Variants in EVL observed in about 807,000 individuals in gnomAD.
EVL encodes ena/VASP-like protein.
A neutral mutation model predicts 59.6 loss-of-function variants in EVL; 21 were observed. The ratio of observed to expected loss-of-function variants is 0.35; its 90% CI spans 0.25 to 0.51. The LOEUF (loss-of-function observed/expected upper bound fraction) is 0.51, where lower values mean the gene tolerates loss of function less well. Ranked by LOEUF, EVL falls within the 20% of genes least tolerant of loss-of-function variation. The probability of loss-of-function intolerance (pLI) is 0.97; values close to 1 mark genes in which losing one functional copy is unlikely to be tolerated. For synonymous variants in EVL, 198 were observed against 203.5 expected (o/e 0.97, Z 0.23); for missense variants, 462 against 546.6 (o/e 0.85, Z 1.54).
chr14:100,048,136 A>C (rs1408011310), intron 1 of EVL, among the ~76,000 whole-genome samples: 1 of 152,226 alleles, frequency 6.6e-6, no homozygotes, highest in Non-Finnish European at 1.5e-5. Context: ...CATCAAATTA[A>C]ATTTCATCAA....
chr14:100,126,457 C>T (rs1017319256), intron 4 of EVL, among the ~76,000 whole-genome samples: 3 of 152,204 alleles, frequency 2.0e-5, no homozygotes, highest in Non-Finnish European at 2.9e-5. Context: ...TCACACTGGC[C>T]TTCCATAAGG....
chr14:100,099,206 G>T (rs981760968), intron 3 of EVL, among the ~76,000 whole-genome samples: 28 of 146,838 alleles, frequency 1.9e-4, no homozygotes, highest in African/African-American at 7.1e-4. Flanking sequence ...AAAAGAAAAA[G>T]TGTGTACTGG....
intron 1 of EVL, among the ~76,000 whole-genome samples, chr14:99,977,754 C>T (rs77424924): frequency 0.08 from 12,155 of 151,726 alleles, 1,669 homozygotes; most frequent in African/African-American, 0.28. Flanking sequence ...ATTTTTGAGT[C>T]TACAGTAGCA....
upstream of EVL, among the ~76,000 whole-genome samples, chr14:100,063,551 A>G (rs993024335): frequency 6.6e-6 from 1 of 152,272 alleles, no homozygotes; most frequent in Non-Finnish European, 1.5e-5. Flanking sequence ...AAGAGCTTCA[A>G]GAAATAGTGA....
At chr14:100,138,054 C>T in intron 11 of EVL, 1 of 581,428 alleles carries the variant, frequency 1.7e-6, no homozygotes, top group South Asian at 2.0e-5. Context: ...AGGGGGGGGC[C>T]AACATGGAGT....
intron 3 of EVL, among the ~76,000 whole-genome samples, chr14:100,101,163 C>T (rs1367970306): frequency 6.6e-6 from 1 of 152,042 alleles, no homozygotes; most frequent in Non-Finnish European, 1.5e-5. Flanking sequence ...AGTTCGAGAC[C>T]AGCCTGGCCA....
chr14:100,005,630 TACACACACACACACACAC>T lies in EVL; in HGVS notation c.5+33596_5+33613del, dbSNP rs35844160. Among the ~76,000 whole-genome samples the T allele has an allele frequency of 4.0e-3, 574 of 143,752 alleles. 9 individuals are homozygous for T. The highest frequency in any genetic ancestry group is 6.2e-3 in the Non-Finnish European group (406 of 65,214). 94.3% of individuals were successfully genotyped at this position (143,752 alleles called of 152,430 possible). A position where few individuals can be genotyped will look rare whatever the true frequency, so the allele number is the denominator to read the frequency against. On this transcript the variant is annotated intron_variant, in intron 1 of 13. Transcript: ENST00000402714. ...ACAAAAAGTATGAAGGCCTTTTAAA[TACACACACACACACACAC>T]ACACACACACACACACACACACCCC...
chr14:100,061,474 AAAAAAAAG>A (rs1395748945), upstream of EVL, among the ~76,000 whole-genome samples: 1 of 150,356 alleles, frequency 6.7e-6, no homozygotes, highest in African/African-American at 2.4e-5. Flanking sequence ...AAAAAAAAAA[AAAAAAAAG>A]ATACCAGGAA....
chr14:100,018,450 A>G (rs766661136), intron 1 of EVL, among the ~76,000 whole-genome samples: 1 of 152,218 alleles, frequency 6.6e-6, no homozygotes, highest in African/African-American at 2.4e-5. Flanking sequence ...GAAAGACTTT[A>G]TTTCTTGAGC....
At chr14:100,013,058 G>A (rs1196600710) in intron 1 of EVL, among the ~76,000 whole-genome samples, 1 of 152,062 alleles carries the variant, frequency 6.6e-6, no homozygotes, top group African/African-American at 2.4e-5. Flanking sequence ...AGGTTGTGGG[G>A]AGTTAAACCC....
chr14:100,106,086 CA>C (rs1160266483), intron 3 of EVL: 1 of 152,178 alleles, frequency 6.6e-6, no homozygotes, highest in Non-Finnish European at 1.5e-5. Context: ...TCACCAGAGA[CA>C]AAGTGGAAAC....
intron 4 of EVL, among the ~76,000 whole-genome samples, chr14:100,124,233 C>T (rs1016652152): frequency 3.3e-5 from 5 of 152,198 alleles, no homozygotes; most frequent in East Asian, 1.9e-4. Context: ...GGGCCTGGCC[C>T]GGGCCTTCCT....
chr14:100,067,549 C>T (rs1364583427), intron 1 of EVL, among the ~76,000 whole-genome samples: 3 of 152,168 alleles, frequency 2.0e-5, no homozygotes, highest in Non-Finnish European at 4.4e-5. Flanking sequence ...CTCAAACTCC[C>T]GGGCTCGAGC....
Position 99,979,163 on chromosome 14 carries a change from C to T in EVL, c.5+7106C>T, listed in dbSNP as rs571646438. On this transcript the variant is annotated intron_variant, in intron 1 of 13. Transcript: ENST00000402714. ...AGACACTCCCATCCCCCACTCTCAC[C>T]GCCCATACACAAATAATCCCCATAC... is the stretch of plus-strand genomic sequence containing the variant. 4.6e-5 allele frequency among the ~76,000 whole-genome samples: 7 copies of T among 151,974 alleles called. No homozygotes were observed. In the South Asian group the frequency reaches 1.5e-3, roughly 32 times the overall value.
At position 100,127,491 on chromosome 14, in the gene EVL, C is replaced by T. The variant is rs1888151504; in HGVS notation, c.487+720C>T. Among the ~76,000 whole-genome samples the T allele has an allele frequency of 6.6e-6, 1 of 152,190 alleles. No homozygotes were observed. The highest frequency in any genetic ancestry group is 6.5e-5 in the Admixed American group (1 of 15,284). Reference sequence around the variant, plus strand: ...GGCTGACCCCATCACCCCCACCTAGCTGCTGCTGGCCTCCTGCTCCCCGGC... The same window carrying T: ...GGCTGACCCCATCACCCCCACCTAGTTGCTGCTGGCCTCCTGCTCCCCGGC... On this transcript the variant is annotated intron_variant, in intron 5 of 13. Coordinates refer to ENST00000392920, the MANE Select transcript of EVL (RefSeq NM_016337.3). The surrounding 1 kb of genome is among the most constrained non-coding windows in gnomAD (Gnocchi z 4.2).
chr14:100,006,398 C>A (rs1242763539), intron 1 of EVL, among the ~76,000 whole-genome samples: 5 of 151,410 alleles, frequency 3.3e-5, no homozygotes, highest in Non-Finnish European at 5.9e-5. Context: ...AATTCTCCTG[C>A]GTCAGCTTCC....
At chr14:99,988,477 A>G (rs1012178202) in intron 1 of EVL, among the ~76,000 whole-genome samples, 5 of 152,298 alleles carry the variant, frequency 3.3e-5, no homozygotes, top group Admixed American at 6.5e-5. Flanking sequence ...GCCCTCGTAC[A>G]TTGCTGGGGA....
chr14:100,017,525 T>A (rs1215191759), intron 1 of EVL, among the ~76,000 whole-genome samples: 1 of 152,250 alleles, frequency 6.6e-6, no homozygotes, highest in Non-Finnish European at 1.5e-5. Flanking sequence ...ACTTTATTGG[T>A]TTCTTACAAC....
chr14:100,115,510 C>A (rs1284737277), intron 3 of EVL, among the ~76,000 whole-genome samples: 1 of 152,248 alleles, frequency 6.6e-6, no homozygotes, highest in Admixed American at 6.5e-5. Context: ...GTCAGTCCCC[C>A]ACTCTCTGAA....
Sources: allele counts gnomAD v4.1 joint callset (sites outside exome capture counted in the v4.1 genomes callset), GRCh38; gene constraint gnomAD v4.1.1; non-coding constraint Gnocchi (gnomAD v3.1); transcripts MANE v1.5; gene names NCBI Gene and HGNC (gene_info 2026-07-23, HGNC 2026-07-21).